The following COL8A1 variants were observed in gnomAD, a reference collection of about 807,000 sequenced individuals.
The protein encoded by COL8A1 is collagen alpha-1(VIII) chain.
COL8A1 carries 21 observed loss-of-function variants against 42.7 expected under a neutral mutation model. The ratio of observed to expected loss-of-function variants is 0.49; its 90% CI spans 0.35 to 0.71. The LOEUF is 0.71. COL8A1 is among the 30% of genes least tolerant of loss of function. The probability of loss-of-function intolerance (pLI) is 0.01; values close to 1 mark genes in which losing one functional copy is unlikely to be tolerated. For synonymous variants in COL8A1, 367 were observed against 369.1 expected (o/e 0.99, Z 0.06); for missense variants, 788 against 962.4 (o/e 0.82, Z 2.40).
chr3:99,686,529 G>A (rs1286877282), intron 1 of COL8A1, among the ~76,000 whole-genome samples: 1 of 152,128 alleles, frequency 6.6e-6, no homozygotes, highest in Non-Finnish European at 1.5e-5. Context: ...GATTCAGTAG[G>A]AGGTCTCTCA....
intron 1 of COL8A1, among the ~76,000 whole-genome samples, chr3:99,657,983 C>A (rs983854245): frequency 5.9e-5 from 9 of 151,976 alleles, no homozygotes; most frequent in South Asian, 2.1e-4. Flanking sequence ...AAAAATTAGC[C>A]GGGTGTGATG....
rs1942128066 is a variant in COL8A1 at position 99,797,610 on chromosome 3, G to C, written c.*1474G>C. ...AAAATCCAAGCCATAATTGGTGAGG[G>C]GGGAGTTTCAGAATTACATAGAAAA... On this transcript the variant is annotated 3_prime_UTR_variant, in exon 4 of 4. Transcript: ENST00000652472. 6 of 152,134 alleles carry C rather than the reference G, an allele frequency of 3.9e-5. No homozygotes were observed. The South Asian group carries it at 1.2e-3, about 31-fold the overall frequency. 9.4% of individuals were successfully genotyped at this position (152,134 alleles called of 1,614,324 possible).
intron 1 of COL8A1, among the ~76,000 whole-genome samples, chr3:99,721,400 AGGAAAAGGGGAAAG>A (rs2107369527): frequency 7.3e-6 from 1 of 137,396 alleles, no homozygotes; most frequent in African/African-American, 2.7e-5. Context: ...GAAAGGAAAA[AGGAAAAGGGGAAAG>A]GGGAAAGGGA....
At chr3:99,734,465 T>C (rs1266925224) in intron 1 of COL8A1, among the ~76,000 whole-genome samples, 1 of 150,774 alleles carries the variant, frequency 6.6e-6, no homozygotes, top group South Asian at 2.1e-4. Flanking sequence ...GTTGTAGATA[T>C]GTGGTATTAT....
chr3:99,772,015 T>C (rs990546713), intron 2 of COL8A1, among the ~76,000 whole-genome samples: 1 of 152,174 alleles, frequency 6.6e-6, no homozygotes, highest in African/African-American at 2.4e-5. Flanking sequence ...TGTTAAAGTA[T>C]CCAGTTACTA....
At chr3:99,770,962 G>A (rs1447481887) in intron 2 of COL8A1, among the ~76,000 whole-genome samples, 1 of 152,192 alleles carries the variant, frequency 6.6e-6, no homozygotes. Flanking sequence ...TCTTGTCTGA[G>A]GGGACAGCAT....
At chr3:99,699,156 A>G (rs1428447049) in intron 1 of COL8A1, among the ~76,000 whole-genome samples, 2 of 152,204 alleles carry the variant, frequency 1.3e-5, no homozygotes, top group African/African-American at 2.4e-5. Context: ...CATCACATGT[A>G]TCCAAACTCT....
At chr3:99,642,660 C>A (rs1452899169) in intron 1 of COL8A1, among the ~76,000 whole-genome samples, 1 of 152,156 alleles carries the variant, frequency 6.6e-6, no homozygotes, top group East Asian at 1.9e-4. Context: ...TGTGCAGATG[C>A]AGTCATAGTC....
intron 1 of COL8A1, among the ~76,000 whole-genome samples, chr3:99,735,979 T>A (rs1441215848): frequency 2.6e-5 from 4 of 152,096 alleles, no homozygotes. Context: ...TTTGTATTTC[T>A]GTGGGATTGG....
intron 1 of COL8A1, among the ~76,000 whole-genome samples, chr3:99,710,097 T>C (rs1318898224): frequency 6.6e-6 from 1 of 152,206 alleles, no homozygotes; most frequent in Non-Finnish European, 1.5e-5. Flanking sequence ...CATGTATGTG[T>C]GCATGTGCAC....
intron 2 of COL8A1, among the ~76,000 whole-genome samples, chr3:99,773,131 G>A (rs1158458823): frequency 2.6e-5 from 4 of 152,164 alleles, no homozygotes; most frequent in East Asian, 3.8e-4. Context: ...AGCATCTAGC[G>A]CAGTGTCAGA....
Position 99,733,866 on chromosome 3 carries a change from A to T in COL8A1, c.-128-11031A>T, listed in dbSNP as rs1415090911. Among the ~76,000 whole-genome samples the T allele has an allele frequency of 4.7e-3, 710 of 151,652 alleles. 2 individuals carry two copies. Among genetic ancestry groups the T allele is most frequent in the African/African-American group, 0.012 (492 of 41,166 alleles). ...CTAACTGGTGTGAGATGGTATCTCAATGTGGTTTTGATTTGCATTTCTCTG... is the reference window on the plus strand; with the variant it reads ...CTAACTGGTGTGAGATGGTATCTCATTGTGGTTTTGATTTGCATTTCTCTG... On this transcript the variant is annotated intron_variant, in intron 1 of 3. Transcript: ENST00000652472.
chr3:99,652,249 A>T (rs1411176756), intron 1 of COL8A1, among the ~76,000 whole-genome samples: 2 of 152,246 alleles, frequency 1.3e-5, no homozygotes, highest in African/African-American at 4.8e-5. Context: ...TTGTCACCAC[A>T]TCAGCAAAAG....
chr3:99,754,673 G>T (rs1040647523), intron 2 of COL8A1, among the ~76,000 whole-genome samples: 2 of 152,110 alleles, frequency 1.3e-5, no homozygotes, highest in Admixed American at 1.3e-4. Context: ...CCTCACCAAA[G>T]AACTCCTACA....
intron 1 of COL8A1, among the ~76,000 whole-genome samples, chr3:99,687,825 G>A (rs1415688874): frequency 6.6e-6 from 1 of 152,112 alleles, no homozygotes; most frequent in Non-Finnish European, 1.5e-5. Flanking sequence ...TATCATTTTG[G>A]CAATTTTGCA....
intron 1 of COL8A1, among the ~76,000 whole-genome samples, chr3:99,680,706 T>A (rs140318242): frequency 2.2e-3 from 339 of 152,328 alleles, no homozygotes; most frequent in African/African-American, 7.8e-3. Flanking sequence ...TGTGAGATGG[T>A]ATCTCATTGT....
chr3:99,739,976 T>C (rs1371252836), intron 1 of COL8A1, among the ~76,000 whole-genome samples: 1 of 152,218 alleles, frequency 6.6e-6, no homozygotes, highest in Non-Finnish European at 1.5e-5. Flanking sequence ...TAGAAATTTC[T>C]TCCACCAGAT....
chr3:99,786,037 A>G lies in COL8A1; in HGVS notation c.-3-4643A>G, dbSNP rs766348570. On this transcript the variant is annotated intron_variant, in intron 2 of 3. Coordinates refer to ENST00000652472, the MANE Select transcript of COL8A1 (RefSeq NM_020351.4). ...AAGAACATACTTTTGAAATGAGTCT[A>G]TATTAGTGAAAGGTACCTTCAACTA... Among the ~76,000 whole-genome samples, 169 of 151,566 alleles carry G rather than the reference A, an allele frequency of 1.1e-3. 3 individuals carry two copies. Among genetic ancestry groups the G allele is most frequent in the South Asian group, 1.0e-3 (5 of 4,828 alleles).
At chr3:99,748,624 G>A (rs1388017724) in intron 2 of COL8A1, among the ~76,000 whole-genome samples, 1 of 152,156 alleles carries the variant, frequency 6.6e-6, no homozygotes, top group Non-Finnish European at 1.5e-5. Flanking sequence ...GCACTGACCA[G>A]AGGATTCCAC....
Sources: allele counts gnomAD v4.1 joint callset (sites outside exome capture counted in the v4.1 genomes callset), GRCh38; gene constraint gnomAD v4.1.1; transcripts MANE v1.5; gene names NCBI Gene and HGNC (gene_info 2026-07-23, HGNC 2026-07-21).